MRPL45: variants seen among roughly 807,000 people sequenced by gnomAD.
MRPL45 encodes the protein mitochondrial ribosomal protein L45, also known as large ribosomal subunit protein mL45.
A neutral mutation model predicts 38.1 loss-of-function variants in MRPL45; 20 were observed. The ratio of observed to expected loss-of-function variants is 0.53; its 90% confidence interval spans 0.37 to 0.76. MRPL45 has a LOEUF of 0.76. Among genes scored for constraint, MRPL45 ranks in the 30% least tolerant of loss-of-function variants. The probability of loss-of-function intolerance (pLI) is 0.00; values close to 1 mark genes in which losing one functional copy is unlikely to be tolerated. For missense variants in MRPL45, 337 were observed against 395.6 expected (o/e 0.85, Z 1.26); for synonymous variants, 105 against 128.8 (o/e 0.82, Z 1.25).
intron 4 of MRPL45, among the ~76,000 whole-genome samples, chr17:38,309,799 C>G (rs1039965650): frequency 2.0e-5 from 3 of 151,652 alleles, no homozygotes; most frequent in Non-Finnish European, 2.9e-5. Context: ...CATATTGCTT[C>G]TTAAATCTTT....
At chr17:38,300,655 A>G (rs1301172606) in intron 3 of MRPL45, among the ~76,000 whole-genome samples, 1 of 152,056 alleles carries the variant, frequency 6.6e-6, no homozygotes, top group Non-Finnish European at 1.5e-5. Flanking sequence ...CTCTACATAT[A>G]GATTTTATTG....
chr17:38,315,177 T>C (rs1028856439), intron 4 of MRPL45, among the ~76,000 whole-genome samples: 1 of 152,230 alleles, frequency 6.6e-6, no homozygotes, highest in Admixed American at 6.5e-5. Context: ...TGTTTTTTGT[T>C]TTTTTCTTGT....
At chr17:38,321,413 C>G (rs1450133010) in intron 6 of MRPL45, among the ~76,000 whole-genome samples, 1 of 152,198 alleles carries the variant, frequency 6.6e-6, no homozygotes, top group East Asian at 1.9e-4. Flanking sequence ...TTTTTTCTGG[C>G]TGGGCACAGT....
At chr17:38,314,934 T>A (rs2037159293) in intron 4 of MRPL45, among the ~76,000 whole-genome samples, 1 of 152,238 alleles carries the variant, frequency 6.6e-6, no homozygotes, top group Non-Finnish European at 1.5e-5. Context: ...ACAAACGCTC[T>A]GCTCCTATAT....
intron 3 of MRPL45, among the ~76,000 whole-genome samples, chr17:38,304,993 C>T (rs1305612429): frequency 2.6e-5 from 4 of 151,924 alleles, no homozygotes; most frequent in East Asian, 3.9e-4. Flanking sequence ...ACTACAGGCA[C>T]GTGCCATCAC....
intron 4 of MRPL45, among the ~76,000 whole-genome samples, chr17:38,308,183 C>T (rs2037073255): frequency 6.6e-6 from 1 of 151,952 alleles, no homozygotes; most frequent in Non-Finnish European, 1.5e-5. Context: ...GTCATCCAGG[C>T]TGGAGTGCAG....
intron 3 of MRPL45, among the ~76,000 whole-genome samples, chr17:38,303,149 T>C (rs1204883708): frequency 1.3e-5 from 2 of 152,190 alleles, no homozygotes; most frequent in Non-Finnish European, 2.9e-5. Flanking sequence ...TGTTGACAGC[T>C]GAGTTATATA....
At position 38,305,648 on chromosome 17, in the gene MRPL45, C is replaced by CTT. The variant is rs769373843; in HGVS notation, c.363-874_363-873dup. Among the ~76,000 whole-genome samples the CTT allele has an allele frequency of 2.3e-3, 313 of 136,230 alleles. 6 individuals carry two copies. Among genetic ancestry groups the CTT allele is most frequent in the African/African-American group, 6.5e-3 (239 of 36,850 alleles). 89.4% of individuals were successfully genotyped at this position (136,230 alleles called of 152,430 possible). On this transcript the variant is annotated intron_variant, in intron 3 of 7. Transcript: ENST00000613675. ...TTACAGACAGCACCACCATGCCCAG[C>CTT]TTTTTTTTTTTTGAGATGGAGTCTC...
At position 38,298,578 on chromosome 17, in the gene MRPL45, G is replaced by T; in HGVS notation, c.196G>T (p.Val66Phe). 6.2e-7 allele frequency: 1 copy of T among 1,613,408 alleles called. No individual in the cohort carries two copies. Among genetic ancestry groups the T allele is most frequent in the South Asian group, 1.1e-5 (1 of 91,030 alleles). Residue 66 changes from valine to phenylalanine, a missense_variant, in exon 2 of 8, where the codon GTT becomes TTT. Val to Phe is a conservative substitution (Grantham distance 50). Transcript: ENST00000613675. ...FMQHARKAGL[V>F]IPPEKSDRSI... ...GCAACATGCCCGGAAAGCAGGATTG[G>T]TTATTCCTCCAGAAAAATCGGACCG...
At chr17:38,302,229 A>C (rs2144204430) in intron 3 of MRPL45, among the ~76,000 whole-genome samples, 1 of 151,888 alleles carries the variant, frequency 6.6e-6, no homozygotes, top group South Asian at 2.1e-4. Flanking sequence ...TCACAACTGT[A>C]ATCCCAGCAC....
At chr17:38,300,218 A>G (rs972404296) in intron 3 of MRPL45, among the ~76,000 whole-genome samples, 2 of 151,792 alleles carry the variant, frequency 1.3e-5, no homozygotes, top group African/African-American at 4.8e-5. Flanking sequence ...GGGTTTCACC[A>G]TGTTGGCCAA....
rs2037142872 is a variant in MRPL45 at position 38,313,365 on chromosome 17, TACGTATATATATATATATAC to T, written c.462-5320_462-5301del. Among the ~76,000 whole-genome samples the T allele has an allele frequency of 2.3e-3, 43 of 18,584 alleles. 2 individuals are homozygous for T. The highest frequency in any genetic ancestry group is 8.6e-3 in the African/African-American group (41 of 4,748). 12.2% of individuals were successfully genotyped at this position (18,584 alleles called of 152,430 possible). On this transcript the variant is annotated intron_variant, in intron 4 of 7. Transcript: ENST00000613675. ...ATATATACGTATATATATATATATA[TACGTATATATATATATATAC>T]ATATATATATATATATATGAGAGAT...
rs980121503 is a variant in MRPL45, at chr17:38,323,125, T to C, written c.*530T>C. On this transcript the variant is annotated 3_prime_UTR_variant, in exon 8 of 8. Transcript: ENST00000613675. ...AAGAATAATTAGTGTTTATAAGACATTTAAGAGGCCCTTTTTCATATACTG... is the reference window on the plus strand; with the variant it reads ...AAGAATAATTAGTGTTTATAAGACACTTAAGAGGCCCTTTTTCATATACTG... 3.3e-5 allele frequency: 5 copies of C among 153,114 alleles called. No individual in the cohort carries two copies. Among genetic ancestry groups the C allele is most frequent in the Non-Finnish European group, 7.3e-5 (5 of 68,694 alleles). The allele number at this position is 153,114 out of a possible 1,614,324, so 9.5% of individuals were successfully genotyped here.
At chr17:38,319,422 G>A (rs1489992678) in intron 5 of MRPL45, among the ~76,000 whole-genome samples, 1 of 151,848 alleles carries the variant, frequency 6.6e-6, no homozygotes, top group Non-Finnish European at 1.5e-5. Flanking sequence ...GCCCGCCTCG[G>A]CCTCCCAAAG....
chr17:38,322,025 C>G, intron 6 of MRPL45, 101 bp from the exon 7 acceptor site: 3 of 1,208,042 alleles, frequency 2.5e-6, no homozygotes, highest in Non-Finnish European at 2.3e-6. Context: ...GAGTGAGACT[C>G]TGTCTCAAAA....
intron 3 of MRPL45, among the ~76,000 whole-genome samples, chr17:38,303,485 G>A (rs951655591): frequency 5.9e-5 from 9 of 151,274 alleles, no homozygotes; most frequent in African/African-American, 1.5e-4. Context: ...TAGTACAGAC[G>A]GGGTTTCACC....
intron 4 of MRPL45, among the ~76,000 whole-genome samples, chr17:38,310,742 C>A (rs186090006): frequency 3.1e-4 from 47 of 152,224 alleles, no homozygotes; most frequent in African/African-American, 1.1e-3. Flanking sequence ...CCTCCCACTT[C>A]AGCCTCCAAA....
intron 3 of MRPL45, among the ~76,000 whole-genome samples, chr17:38,301,820 G>C (rs1024367865): frequency 6.6e-6 from 1 of 152,048 alleles, no homozygotes; most frequent in African/African-American, 2.4e-5. Context: ...GGGAGCATAT[G>C]ACAGGGAAAG....
At chr17:38,300,383 C>T (rs1390487522) in intron 3 of MRPL45, among the ~76,000 whole-genome samples, 1 of 151,988 alleles carries the variant, frequency 6.6e-6, no homozygotes, top group Non-Finnish European at 1.5e-5. Flanking sequence ...AGGCTGGTCT[C>T]GAACTCCTGG....
Sources: allele counts gnomAD v4.1 joint callset (sites outside exome capture counted in the v4.1 genomes callset), GRCh38; gene constraint gnomAD v4.1.1; transcripts MANE v1.5; gene names NCBI Gene and HGNC (gene_info 2026-07-23, HGNC 2026-07-21).